The following PDE4D variants were observed in gnomAD, a reference collection of about 807,000 sequenced individuals.
The protein encoded by PDE4D is phosphodiesterase 4D.
Under a neutral mutation model 87.4 loss-of-function variants are expected in PDE4D, and 24 were observed. The ratio of observed to expected loss-of-function variants is 0.27; its 90% CI spans 0.20 to 0.39. PDE4D has a LOEUF of 0.39. Among genes scored for constraint, PDE4D ranks in the 10% least tolerant of loss-of-function variants. The pLI, the probability that PDE4D is intolerant of heterozygous loss-of-function variation, is 1.00. For synonymous variants in PDE4D, 384 were observed against 383.2 expected (o/e 1.00, Z -0.02); for missense variants, 714 against 1,041.0 (o/e 0.69, Z 4.32).
Position 58,972,400 on chromosome 5 carries a change from A to AAAG in PDE4D, c.*2261_*2263dup, listed in dbSNP as rs1441226486. On this transcript the variant is annotated 3_prime_UTR_variant, in exon 15 of 15. Coordinates refer to ENST00000340635, the MANE Select transcript of PDE4D (RefSeq NM_001104631.2). Reference sequence around the variant, plus strand: ...GTTGATTCCTCTTCTGCTTTATGTAAAAGATCAGAGTTATAAAGACATAAT... The same window carrying AAAG: ...GTTGATTCCTCTTCTGCTTTATGTAAAAGAAGATCAGAGTTATAAAGACATAAT... 2.0e-5 allele frequency: 3 copies of AAAG among 152,684 alleles called. No homozygotes were observed. The highest frequency in any genetic ancestry group is 7.2e-5 in the African/African-American group (3 of 41,552). The allele number at this position is 152,684 out of a possible 1,614,324, so 9.5% of individuals were successfully genotyped here. A position where few individuals can be genotyped will look rare whatever the true frequency, so the allele number is the denominator to read the frequency against.
intron 1 of PDE4D, among the ~76,000 whole-genome samples, chr5:59,810,124 A>ATCCTC (rs1214540165): frequency 1.3e-5 from 2 of 152,202 alleles, no homozygotes; most frequent in African/African-American, 4.8e-5. Context: ...CTGCTCGTCA[A>ATCCTC]TCCTCTCAGC....
chr5:60,183,808 T>A (rs1395505282), intron 2 of PDE4D, among the ~76,000 whole-genome samples: 1 of 152,224 alleles, frequency 6.6e-6, no homozygotes, highest in Non-Finnish European at 1.5e-5. Context: ...GTTGGAGGGT[T>A]ATATGCTCAG....
At position 60,205,714 on chromosome 5, in the gene PDE4D, C is replaced by T. The variant is rs896129622; in HGVS notation, c.-89-20027G>A. On this transcript the variant is annotated intron_variant, in intron 1 of 16. Transcript: ENST00000502484. ...CAACCTGACCAATATGGTGAAACCCCGTCTCTACTAAAAGTACAAAAAAAA... is the reference window on the plus strand; with the variant it reads ...CAACCTGACCAATATGGTGAAACCCTGTCTCTACTAAAAGTACAAAAAAAA... Among the ~76,000 whole-genome samples the T allele has an allele frequency of 3.7e-5, 5 of 136,956 alleles. No individual in the cohort carries two copies. In the Admixed American group the frequency reaches 3.8e-4, roughly 10 times the overall value. 89.8% of individuals were successfully genotyped at this position (136,956 alleles called of 152,430 possible).
chr5:60,457,378 A>C (rs1561278214), intron 1 of PDE4D, among the ~76,000 whole-genome samples: 1 of 152,180 alleles, frequency 6.6e-6, no homozygotes, highest in Non-Finnish European at 1.5e-5. Context: ...CTGAATAGTA[A>C]AAGAAACAGC....
chr5:59,167,117 A>G (rs945687064), intron 5 of PDE4D, among the ~76,000 whole-genome samples: 7 of 152,218 alleles, frequency 4.6e-5, no homozygotes, highest in Non-Finnish European at 8.8e-5. Context: ...TTAGGAAGGT[A>G]TAATTATTAC....
chr5:59,095,951 C>A lies in PDE4D; in HGVS notation c.809-56980G>T, dbSNP rs180955864. Among the ~76,000 whole-genome samples, 4 of 152,232 alleles carry A rather than the reference C, an allele frequency of 2.6e-5. No homozygotes were observed. The East Asian group carries it at 7.7e-4, about 29-fold the overall frequency. ...TGCTTTTTATTTCCCTTAAGTGTTC[C>A]GTATTTATTTCACAAATATTACTTA... is the stretch of plus-strand genomic sequence containing the variant. On this transcript the variant is annotated intron_variant, in intron 5 of 14. Transcript: ENST00000340635.
At chr5:59,689,861 A>C (rs895591555) in intron 1 of PDE4D, among the ~76,000 whole-genome samples, 3 of 152,226 alleles carry the variant, frequency 2.0e-5, no homozygotes, top group Non-Finnish European at 4.4e-5. Context: ...CTGATAAGCA[A>C]CTTCAGCAAA....
chr5:60,046,645 T>C (rs1427242505), intron 2 of PDE4D, among the ~76,000 whole-genome samples: 3 of 152,208 alleles, frequency 2.0e-5, no homozygotes, highest in African/African-American at 7.2e-5. Flanking sequence ...TTGTCTTTGG[T>C]TCTGTTTATA....
At chr5:59,149,334 C>A (rs559945893) in intron 5 of PDE4D, among the ~76,000 whole-genome samples, 129 of 152,242 alleles carry the variant, frequency 8.5e-4, no homozygotes, top group Non-Finnish European at 1.5e-3. Context: ...ACTAAAGGAC[C>A]AGGTTCTTTC....
At chr5:59,476,682 A>C (rs964472718) in intron 1 of PDE4D, among the ~76,000 whole-genome samples, 3 of 152,048 alleles carry the variant, frequency 2.0e-5, no homozygotes, top group African/African-American at 7.2e-5. Flanking sequence ...CACTGCATTT[A>C]CCTTTAATAT....
intron 1 of PDE4D, among the ~76,000 whole-genome samples, chr5:59,405,242 TCTTTA>T: frequency 6.6e-6 from 1 of 152,342 alleles, no homozygotes; most frequent in Non-Finnish European, 1.5e-5. Flanking sequence ...TTTTGTGTTC[TCTTTA>T]ATTTCTTTCA....
intron 5 of PDE4D, among the ~76,000 whole-genome samples, chr5:59,140,525 T>C (rs1777736492): frequency 6.6e-6 from 1 of 152,232 alleles, no homozygotes; most frequent in Admixed American, 6.5e-5. Context: ...CACATTCATT[T>C]TGCACAAATG....
At chr5:60,134,496 C>T (rs554793146) in intron 2 of PDE4D, among the ~76,000 whole-genome samples, 1 of 152,192 alleles carries the variant, frequency 6.6e-6, no homozygotes, top group Admixed American at 6.5e-5. Flanking sequence ...TATAGCAGAC[C>T]CTGTCTCCAA....
chr5:59,986,928 C>T (rs1762505739), intron 3 of PDE4D: 2 of 152,192 alleles, frequency 1.3e-5, no homozygotes, highest in African/African-American at 4.8e-5. Context: ...GTTGTCTCAA[C>T]TCATTACTGG....
chr5:59,248,016 A>AT (rs1285623050), intron 1 of PDE4D, among the ~76,000 whole-genome samples: 22 of 127,442 alleles, frequency 1.7e-4, no homozygotes, highest in Admixed American at 7.7e-4. Context: ...GTGATTACCA[A>AT]TTTTATTGGA....
At chr5:60,133,306 A>T (rs1274125849) in intron 2 of PDE4D, among the ~76,000 whole-genome samples, 2 of 152,224 alleles carry the variant, frequency 1.3e-5, no homozygotes, top group African/African-American at 4.8e-5. Flanking sequence ...TCTGCCACTT[A>T]TTGCCGTCAA....
chr5:59,121,609 T>A (rs1774520155), intron 5 of PDE4D, among the ~76,000 whole-genome samples: 1 of 151,884 alleles, frequency 6.6e-6, no homozygotes, highest in African/African-American at 2.4e-5. Context: ...CTCTTACATA[T>A]CACCAGTGGG....
intron 6 of PDE4D, among the ~76,000 whole-genome samples, chr5:59,010,987 T>C (rs557014119): frequency 6.6e-6 from 1 of 152,232 alleles, no homozygotes; most frequent in South Asian, 2.1e-4. Flanking sequence ...TTCTGCAATA[T>C]TTGCGGTTCG....
At chr5:59,945,346 C>A (rs567087111) in intron 3 of PDE4D, among the ~76,000 whole-genome samples, 2 of 152,222 alleles carry the variant, frequency 1.3e-5, no homozygotes, top group South Asian at 2.1e-4. Flanking sequence ...TCATGAAAAA[C>A]CAGTAAAAAT....
Sources: gnomAD v4.1 joint callset for allele counts (sites outside exome capture counted in the v4.1 genomes callset) on GRCh38, gnomAD v4.1.1 for gene constraint, MANE v1.5 for transcripts, NCBI Gene and HGNC (gene_info 2026-07-23, HGNC 2026-07-21) for gene names.